The following CACNA1E variants were observed in gnomAD, a reference collection of about 807,000 sequenced individuals.
CACNA1E encodes calcium voltage-gated channel subunit alpha1 E, also known as voltage-dependent R-type calcium channel subunit alpha-1E.
A neutral mutation model predicts 259.2 loss-of-function variants in CACNA1E; 40 were observed. The ratio of observed to expected loss-of-function variants is 0.15; its 90% CI spans 0.12 to 0.20. The LOEUF (loss-of-function observed/expected upper bound fraction) is 0.20, where lower values mean the gene tolerates loss of function less well. Among genes scored for constraint, CACNA1E ranks in the 10% least tolerant of loss-of-function variants. The pLI, the probability that CACNA1E is intolerant of heterozygous loss-of-function variation, is 1.00. For synonymous variants in CACNA1E, 1,104 were observed against 1,138.5 expected (o/e 0.97, Z 0.61); for missense variants, 1,874 against 3,040.1 (o/e 0.62, Z 9.02).
chr1:181,795,129 C>T, intron 46 of CACNA1E, 85 bp downstream of exon 46: 2 of 1,146,284 alleles, frequency 1.7e-6, no homozygotes, highest in South Asian at 3.2e-5. Flanking sequence ...CTGTAGATAA[C>T]CAGAAAAGAA....
chr1:181,422,053 C>T (rs79625467), intron 2 of CACNA1E, among the ~76,000 whole-genome samples: 4,301 of 152,296 alleles, frequency 0.028, 222 homozygotes, highest in African/African-American at 0.096. Context: ...TACCCTGGCT[C>T]CTGCCGTTGC....
At chr1:181,688,271 A>C (rs1650785046) in intron 7 of CACNA1E, among the ~76,000 whole-genome samples, 1 of 152,166 alleles carries the variant, frequency 6.6e-6, no homozygotes, top group Non-Finnish European at 1.5e-5. Context: ...ATATATCGCT[A>C]AATGTTATAT....
intron 1 of CACNA1E, among the ~76,000 whole-genome samples, chr1:181,405,632 C>T (rs935005143): frequency 1.3e-5 from 2 of 152,194 alleles, no homozygotes; most frequent in African/African-American, 2.4e-5. Flanking sequence ...TTCCTCCGTA[C>T]CTGTTTACCT....
At chr1:181,659,546 G>C (rs971796690) in intron 7 of CACNA1E, among the ~76,000 whole-genome samples, 2 of 152,194 alleles carry the variant, frequency 1.3e-5, no homozygotes, top group African/African-American at 2.4e-5. Flanking sequence ...CCATCCCACT[G>C]TCTCCATCCA....
At chr1:181,590,022 G>A (rs1348571472) in intron 6 of CACNA1E, among the ~76,000 whole-genome samples, 6 of 152,074 alleles carry the variant, frequency 3.9e-5, no homozygotes, top group Admixed American at 2.0e-4. Context: ...TCCTTAGCTG[G>A]TCCTCATTCC....
chr1:181,542,000 C>G (rs1668620274), intron 3 of CACNA1E, among the ~76,000 whole-genome samples: 1 of 152,146 alleles, frequency 6.6e-6, no homozygotes, highest in Non-Finnish European at 1.5e-5. Flanking sequence ...TCCTTGCTCT[C>G]TTGGATCACT....
At chr1:181,624,229 A>G (rs564970469) in intron 6 of CACNA1E, among the ~76,000 whole-genome samples, 19 of 151,932 alleles carry the variant, frequency 1.3e-4, no homozygotes, top group South Asian at 4.2e-4. Context: ...TGACCCAGAC[A>G]CCTCCCATTA....
intron 1 of CACNA1E, among the ~76,000 whole-genome samples, chr1:181,502,500 C>T (rs150017398): frequency 1.9e-4 from 29 of 152,222 alleles, no homozygotes; most frequent in Non-Finnish European, 3.5e-4. Context: ...TGCACCATAG[C>T]TTATCTCTTA....
chr1:181,521,503 A>C (rs905880882), intron 3 of CACNA1E, among the ~76,000 whole-genome samples: 1 of 152,168 alleles, frequency 6.6e-6, no homozygotes, highest in African/African-American at 2.4e-5. Context: ...GGTGTGGGGG[A>C]AAATGGACAG....
Position 181,796,710 on chromosome 1 carries a change from G to A in CACNA1E, c.6251G>A (p.Gly2084Glu). ...CACCGCTCAGGGGGCAGGGAGCGGGGACGATCAAAAGAGCGAAAGCATCTT... is the reference window on the plus strand; with the variant it reads ...CACCGCTCAGGGGGCAGGGAGCGGGAACGATCAAAAGAGCGAAAGCATCTT... ...DTHRSGGRER[G>E]RSKERKHLLS... The change falls in exon 47 of 48, where the codon GGA becomes GAA. Residue 2084 changes from glycine (G) to glutamate (E), a missense_variant. Gly to Glu is a moderately conservative substitution (Grantham distance 98). Coordinates refer to ENST00000367573, the MANE Select transcript of CACNA1E (RefSeq NM_001205293.3). The A allele has an allele frequency of 6.2e-7, 1 of 1,611,906 alleles. No homozygotes were observed. Among genetic ancestry groups the A allele is most frequent in the South Asian group, 1.1e-5 (1 of 90,744 alleles).
At chr1:181,700,351 C>T (rs1652121218) in intron 7 of CACNA1E, among the ~76,000 whole-genome samples, 1 of 152,168 alleles carries the variant, frequency 6.6e-6, no homozygotes, top group African/African-American at 2.4e-5. Flanking sequence ...TGTGTGCCCC[C>T]TCCACTCCAT....
At chr1:181,705,493 T>G (rs1292214942) in intron 7 of CACNA1E, among the ~76,000 whole-genome samples, 1 of 152,230 alleles carries the variant, frequency 6.6e-6, no homozygotes. Context: ...TTTCCATGAC[T>G]GAAATTTAGA....
At chr1:181,767,609 CTT>C (rs1262449857) in intron 35 of CACNA1E, among the ~76,000 whole-genome samples, 2 of 152,236 alleles carry the variant, frequency 1.3e-5, no homozygotes, top group Non-Finnish European at 2.9e-5. Flanking sequence ...TGAAATGTCT[CTT>C]CCTTTCACTC....
intron 7 of CACNA1E, among the ~76,000 whole-genome samples, chr1:181,672,071 T>A (rs779845048): frequency 6.6e-6 from 1 of 152,200 alleles, no homozygotes; most frequent in South Asian, 2.1e-4. Flanking sequence ...AGAACAAGAT[T>A]ATGTCATTTA....
intron 13 of CACNA1E, 104 bp from the exon 14 acceptor site, chr1:181,720,102 C>G (rs971481419): frequency 8.2e-6 from 11 of 1,345,224 alleles, no homozygotes; most frequent in Non-Finnish European, 1.1e-5. Context: ...TACAAATATA[C>G]AAATGCAGCT....
chr1:181,757,971 A>C lies in CACNA1E; in HGVS notation c.4354A>C (p.Ser1452Arg). The change falls in exon 31 of 48, where the codon AGC becomes CGC. Residue 1452 changes from serine to arginine, a missense_variant. By Grantham distance (110) the Ser-to-Arg change is moderately radical (BLOSUM62 -1). This residue lies in a region of CACNA1E where 188 missense variants were observed against 540.6 expected (regional missense o/e 0.35). Coordinates refer to ENST00000367573, the MANE Select transcript of CACNA1E (RefSeq NM_001205293.3). ...GAGGGCGTGCATCGACTTCGCCATC[A>C]GCGCCAAACCTCTCACCCGCTACAT... ...NERACIDFAI[S>R]AKPLTRYMPQ... 1 of 1,614,024 alleles carries C rather than the reference A, an allele frequency of 6.2e-7. No individual in the cohort carries two copies. Among genetic ancestry groups the C allele is most frequent in the Non-Finnish European group, 8.5e-7 (1 of 1,179,884 alleles).
chr1:181,481,426 CACAG>C (rs375607093), upstream of CACNA1E, among the ~76,000 whole-genome samples: 385 of 152,274 alleles, frequency 2.5e-3, no homozygotes, highest in African/African-American at 8.9e-3. Flanking sequence ...GGGCCTTGCC[CACAG>C]ACAGACACAT....
intron 3 of CACNA1E, among the ~76,000 whole-genome samples, chr1:181,549,035 G>A (rs984333443): frequency 1.3e-5 from 2 of 152,184 alleles, no homozygotes; most frequent in Non-Finnish European, 2.9e-5. Flanking sequence ...GCCGGAAAGG[G>A]GAATCATTCT....
intron 6 of CACNA1E, among the ~76,000 whole-genome samples, chr1:181,616,726 AAAAC>A (rs754995947): frequency 6.6e-6 from 1 of 152,068 alleles, no homozygotes; most frequent in Non-Finnish European, 1.5e-5. Flanking sequence ...AAAACAAAAC[AAAAC>A]AAACAAACAA....
Sources: allele counts gnomAD v4.1 joint callset (sites outside exome capture counted in the v4.1 genomes callset), GRCh38; gene constraint gnomAD v4.1.1; regional missense constraint gnomAD v4.1.1; transcripts MANE v1.5; gene names NCBI Gene and HGNC (gene_info 2026-07-23, HGNC 2026-07-21).